COX7B2: variants seen among roughly 807,000 people sequenced by gnomAD.
The protein encoded by COX7B2 is cytochrome c oxidase subunit 7B2, mitochondrial.
For synonymous variants in COX7B2, 37 were observed against 32.1 expected, an observed-to-expected ratio of 1.15 and a Z score of -0.51; for missense variants, 109 against 95.9, an observed-to-expected ratio of 1.14 and a Z score of -0.57.
intron 1 of COX7B2, among the ~76,000 whole-genome samples, chr4:46,849,099 A>G (rs1285780896): frequency 1.3e-5 from 2 of 152,044 alleles, no homozygotes; most frequent in Non-Finnish European, 2.9e-5. Flanking sequence ...AGTTATTTGA[A>G]TACATGACTA....
intron 2 of COX7B2, among the ~76,000 whole-genome samples, chr4:46,769,692 G>A (rs1203016930): frequency 6.6e-6 from 1 of 152,136 alleles, no homozygotes; most frequent in African/African-American, 2.4e-5. Context: ...TCCATCATGG[G>A]TGACAGAGTG....
Position 46,812,273 on chromosome 4 carries a change from A to G in COX7B2, c.-50+32687T>C, listed in dbSNP as rs190878519. ...CAATTCTCCCACTAAGCTGAGGCCT[A>G]TCTCTCTGAGGCACATCCCAGTAGC... is the stretch of plus-strand genomic sequence containing the variant. On this transcript the variant is annotated intron_variant, in intron 2 of 2. Coordinates refer to ENST00000355591, the MANE Select transcript of COX7B2 (RefSeq NM_130902.3). 4.9e-3 allele frequency among the ~76,000 whole-genome samples: 744 copies of G among 152,130 alleles called. 6 individuals are homozygous for G. The highest frequency in any genetic ancestry group is 0.014 in the East Asian group (70 of 5,166).
chr4:46,839,288 T>C, intron 2 of COX7B2, among the ~76,000 whole-genome samples: 1 of 151,974 alleles, frequency 6.6e-6, no homozygotes, highest in East Asian at 1.9e-4. Context: ...ACCACAGAGC[T>C]TCAGTTTCCT....
intron 2 of COX7B2, among the ~76,000 whole-genome samples, chr4:46,764,074 C>A (rs1009190495): frequency 3.3e-5 from 5 of 152,152 alleles, no homozygotes; most frequent in Non-Finnish European, 7.3e-5. Context: ...TGAAATTGAT[C>A]TGAAAGATTA....
At chr4:46,835,389 GA>G (rs150742762) in intron 2 of COX7B2, among the ~76,000 whole-genome samples, 96 of 147,868 alleles carry the variant, frequency 6.5e-4, no homozygotes, top group African/African-American at 1.8e-3. Context: ...TTTAAAATCA[GA>G]AAAAAAAAAT....
chr4:46,878,020 T>TACACACAC (rs58928264), intron 1 of COX7B2, among the ~76,000 whole-genome samples: 61 of 147,672 alleles, frequency 4.1e-4, no homozygotes, highest in Non-Finnish European at 5.8e-4. Flanking sequence ...TTGTAGTGCA[T>TACACACAC]ACACACACAC....
chr4:46,777,374 G>T (rs555480382), intron 2 of COX7B2, among the ~76,000 whole-genome samples: 9 of 152,174 alleles, frequency 5.9e-5, no homozygotes, highest in Admixed American at 2.0e-4. Flanking sequence ...AAAGTGGAGT[G>T]CCAGAGAGAG....
At chr4:46,795,504 A>G (rs1718277555) in intron 2 of COX7B2, among the ~76,000 whole-genome samples, 1 of 143,150 alleles carries the variant, frequency 7.0e-6, no homozygotes. Context: ...AAGATCAGAT[A>G]GTTGTAGATA....
chr4:46,855,719 A>G (rs564018607), intron 1 of COX7B2, among the ~76,000 whole-genome samples: 5 of 152,296 alleles, frequency 3.3e-5, no homozygotes, highest in African/African-American at 1.2e-4. Context: ...TGATATTAAG[A>G]TACTTTAACA....
At chr4:46,907,520 T>C (rs1208699943) in intron 1 of COX7B2, among the ~76,000 whole-genome samples, 2 of 152,182 alleles carry the variant, frequency 1.3e-5, no homozygotes, top group Non-Finnish European at 2.9e-5. Flanking sequence ...TGGTTTCTCA[T>C]CCTCAATTTA....
At chr4:46,827,673 A>T (rs1051094052) in intron 2 of COX7B2, among the ~76,000 whole-genome samples, 1 of 152,174 alleles carries the variant, frequency 6.6e-6, no homozygotes, top group Non-Finnish European at 1.5e-5. Context: ...GACTGAAAAA[A>T]AGTGATTCCA....
At chr4:46,803,462 A>G (rs1413621854) in intron 2 of COX7B2, among the ~76,000 whole-genome samples, 2 of 152,094 alleles carry the variant, frequency 1.3e-5, no homozygotes, top group Non-Finnish European at 2.9e-5. Flanking sequence ...TCTAGTTGGC[A>G]TGCTTCCCAC....
rs569775946 is a variant in COX7B2, at chr4:46,747,928, C to T, written c.-49-12687G>A. Reference sequence around the variant, plus strand: ...CCTCACAGACATCTTTAAGAACAAACGTAATTTATAATACTGAATATATAC... The same window carrying T: ...CCTCACAGACATCTTTAAGAACAAATGTAATTTATAATACTGAATATATAC... On this transcript the variant is annotated intron_variant, in intron 2 of 2. Coordinates refer to ENST00000355591, the MANE Select transcript of COX7B2 (RefSeq NM_130902.3). 4.0e-5 allele frequency among the ~76,000 whole-genome samples: 6 copies of T among 151,412 alleles called. No individual in the cohort carries two copies. The East Asian group carries it at 1.0e-3, about 25-fold the overall frequency.
chr4:46,804,214 T>C (rs372992193), intron 2 of COX7B2, among the ~76,000 whole-genome samples: 4 of 151,976 alleles, frequency 2.6e-5, no homozygotes, highest in African/African-American at 4.8e-5. Context: ...TCACGGTGAG[T>C]GTTACAGCTC....
intron 2 of COX7B2, among the ~76,000 whole-genome samples, chr4:46,842,553 C>A (rs192124849): frequency 1.3e-5 from 2 of 151,656 alleles, no homozygotes; most frequent in Non-Finnish European, 2.9e-5. Flanking sequence ...CCTCCCCACT[C>A]CCCCCACCCC....
chr4:46,763,062 T>A (rs1162208477), intron 2 of COX7B2, among the ~76,000 whole-genome samples: 1 of 133,174 alleles, frequency 7.5e-6, no homozygotes, highest in African/African-American at 2.8e-5. Context: ...ATATGTAATA[T>A]ATATTATATA....
chr4:46,821,683 A>T (rs943100565), intron 2 of COX7B2, among the ~76,000 whole-genome samples: 30 of 152,246 alleles, frequency 2.0e-4, no homozygotes, highest in Non-Finnish European at 3.7e-4. Context: ...CTGAAGTGTT[A>T]TTCAAATGTA....
chr4:46,906,491 T>A (rs1295862103), intron 1 of COX7B2, among the ~76,000 whole-genome samples: 1 of 152,382 alleles, frequency 6.6e-6, no homozygotes, highest in Non-Finnish European at 1.5e-5. Context: ...TTCTTAGCTA[T>A]GTAATCAACT....
intron 1 of COX7B2, among the ~76,000 whole-genome samples, chr4:46,903,501 A>G (rs1189524585): frequency 1.7e-4 from 26 of 151,986 alleles, no homozygotes; most frequent in Admixed American, 1.7e-3. Flanking sequence ...CTAAGTGTAC[A>G]GGGTTTATAA....
Sources: allele counts gnomAD v4.1 joint callset (sites outside exome capture counted in the v4.1 genomes callset), GRCh38; gene constraint gnomAD v4.1.1; transcripts MANE v1.5; gene names NCBI Gene and HGNC (gene_info 2026-07-23, HGNC 2026-07-21).